MOB1B: variants seen among roughly 807,000 people sequenced by gnomAD.
The protein encoded by MOB1B is MOB kinase activator 1B.
A neutral mutation model predicts 24.4 loss-of-function variants in MOB1B; 19 were observed. That is an observed-to-expected ratio of 0.78 (90% CI 0.54 to 1.14). The LOEUF is 1.14. Among genes scored for constraint, MOB1B ranks in the 50% most tolerant of loss-of-function variants. The probability of loss-of-function intolerance (pLI) is 0.00; values close to 1 mark genes in which losing one functional copy is unlikely to be tolerated. For synonymous variants in MOB1B, 76 were observed against 82.1 expected, an observed-to-expected ratio of 0.93 and a Z score of 0.40; for missense variants, 243 against 259.6, an observed-to-expected ratio of 0.94 and a Z score of 0.44.
rs1199414344 is a variant in MOB1B at position 70,903,334 on chromosome 4, G to C, written c.14+784G>C. ...TTGTAAATGCCAACTTTGGCGTCAT[G>C]TTTAGTGCTGGTCATTATTTCACTT... On this transcript the variant is annotated intron_variant, in intron 1 of 5. Transcript: ENST00000309395. Among the ~76,000 whole-genome samples, 138 of 152,332 alleles carry C rather than the reference G, an allele frequency of 9.1e-4. 4 individuals carry two copies. Among genetic ancestry groups the C allele is most frequent in the Non-Finnish European group, 1.9e-4 (13 of 68,034 alleles).
Position 70,983,474 on chromosome 4 carries a change from A to T in MOB1B, c.*1417A>T, listed in dbSNP as rs1739281927. The T allele has an allele frequency of 6.6e-6, 1 of 152,222 alleles. No individual in the cohort carries two copies. Among genetic ancestry groups the T allele is most frequent in the South Asian group, 2.1e-4 (1 of 4,830 alleles). 9.4% of individuals were successfully genotyped at this position (152,222 alleles called of 1,614,324 possible). ...AACTTAGTTTTTAGAATAAATATTA[A>T]TTTTTCCACTTCAGTTTTATTCTAG... On this transcript the variant is annotated 3_prime_UTR_variant, in exon 6 of 6. Transcript: ENST00000309395.
At chr4:70,906,082 A>T (rs1275185014) in intron 1 of MOB1B, among the ~76,000 whole-genome samples, 1 of 150,458 alleles carries the variant, frequency 6.6e-6, no homozygotes, top group Non-Finnish European at 1.5e-5. Context: ...CTGTCTTAAA[A>T]AAAAAAGGCC....
intron 1 of MOB1B, among the ~76,000 whole-genome samples, chr4:70,929,943 C>T (rs1167046115): frequency 1.3e-5 from 2 of 152,108 alleles, no homozygotes; most frequent in Admixed American, 6.6e-5. Context: ...TTTGTAGAGA[C>T]AGCGTCTCCC....
chr4:70,933,542 C>CT (rs34950388), intron 1 of MOB1B, among the ~76,000 whole-genome samples: 5,009 of 91,632 alleles, frequency 0.055, 1,307 homozygotes, highest in Non-Finnish European at 0.085. Flanking sequence ...AAAAATAACT[C>CT]TTTTTTTTTT....
intron 1 of MOB1B, among the ~76,000 whole-genome samples, chr4:70,908,126 C>T (rs1363156237): frequency 3.3e-5 from 5 of 151,156 alleles, no homozygotes; most frequent in Admixed American, 6.6e-5. Flanking sequence ...CCCGGGTTCA[C>T]GCCATTCTCC....
chr4:70,916,399 A>C (rs766243975), intron 1 of MOB1B, among the ~76,000 whole-genome samples: 11 of 152,228 alleles, frequency 7.2e-5, no homozygotes, highest in Non-Finnish European at 1.5e-4. Context: ...CTTTGAGAGA[A>C]TACAGTGCAC....
chr4:70,936,635 TC>T (rs1269938267), intron 1 of MOB1B, among the ~76,000 whole-genome samples: 1 of 152,148 alleles, frequency 6.6e-6, no homozygotes, highest in Non-Finnish European at 1.5e-5. Context: ...TCCATGGGAT[TC>T]CCCTTACATA....
intron 1 of MOB1B, among the ~76,000 whole-genome samples, chr4:70,947,977 A>G (rs1248399285): frequency 2.0e-5 from 3 of 152,150 alleles, no homozygotes; most frequent in African/African-American, 4.8e-5. Flanking sequence ...ATGCTTTTTT[A>G]TATCTAGAAA....
rs777118509 is a variant in MOB1B at position 70,969,992 on chromosome 4, A to G, written c.243A>G (p.Glu81=). ...GAACTATCACAGACTTCTGTACAGA[A>G]GAGAGTTGTCCAGTGATGTCAGCTG... ...LYGTITDFCT[E]ESCPVMSAGP... is the part of the protein sequence containing the mutation. The change falls in exon 3 of 6, where the codon GAA becomes GAG. Residue 81 remains glutamate, a synonymous_variant. Coordinates refer to ENST00000309395, the MANE Select transcript of MOB1B (RefSeq NM_173468.4). 8 of 1,603,440 alleles carry G rather than the reference A, an allele frequency of 5.0e-6. No homozygotes were observed. In the Admixed American group the frequency reaches 1.4e-4, roughly 27 times the overall value.
At chr4:70,974,660 T>G (rs1738902207) in intron 3 of MOB1B, among the ~76,000 whole-genome samples, 1 of 152,238 alleles carries the variant, frequency 6.6e-6, no homozygotes. Context: ...TTCAGTTAAA[T>G]GTACTCAAAT....
At chr4:70,912,018 T>G (rs1736005293) in intron 1 of MOB1B, among the ~76,000 whole-genome samples, 1 of 150,498 alleles carries the variant, frequency 6.6e-6, no homozygotes, top group African/African-American at 2.4e-5. Flanking sequence ...AGCCTCAACC[T>G]CCCGAGTAGC....
intron 1 of MOB1B, among the ~76,000 whole-genome samples, chr4:70,933,830 G>A (rs1038418601): frequency 1.3e-5 from 2 of 151,938 alleles, no homozygotes; most frequent in Admixed American, 1.3e-4. Context: ...GATTACAGGT[G>A]TGAGCCACTG....
chr4:70,954,062 C>T (rs575145123), intron 1 of MOB1B, among the ~76,000 whole-genome samples: 8 of 152,060 alleles, frequency 5.3e-5, no homozygotes, highest in Non-Finnish European at 1.2e-4. Context: ...TAGCACCCCC[C>T]CAAAAAAAGA....
At chr4:70,968,443 C>T (rs1560661890) in intron 2 of MOB1B, among the ~76,000 whole-genome samples, 1 of 152,154 alleles carries the variant, frequency 6.6e-6, no homozygotes, top group Non-Finnish European at 1.5e-5. Flanking sequence ...TCCTGAGTAG[C>T]TGGGATTACA....
At chr4:70,903,580 C>T (rs895964921) in intron 1 of MOB1B, among the ~76,000 whole-genome samples, 1 of 152,194 alleles carries the variant, frequency 6.6e-6, no homozygotes, top group Non-Finnish European at 1.5e-5. Context: ...GAAGTTGAAA[C>T]TCACCCATAT....
intron 2 of MOB1B, among the ~76,000 whole-genome samples, chr4:70,962,391 C>CATA (rs1349235556): frequency 1.3e-5 from 2 of 152,028 alleles, no homozygotes; most frequent in Non-Finnish European, 2.9e-5. Context: ...ACCAGTGGTC[C>CATA]ATATAAATAG....
At chr4:70,972,796 C>T (rs1005936261) in intron 3 of MOB1B, among the ~76,000 whole-genome samples, 15 of 151,982 alleles carry the variant, frequency 9.9e-5, no homozygotes, top group Middle Eastern at 3.4e-3. Flanking sequence ...ATTTTTGAGA[C>T]GGAGTCTCGC....
At position 70,946,296 on chromosome 4, in the gene MOB1B, C is replaced by T. The variant is rs538916749; in HGVS notation, c.15-12578C>T. ...TTTAATATTGGTAACAATGGCTCCT[C>T]GCAATAAGAATAAGATTTTTCTTCA... On this transcript the variant is annotated intron_variant, in intron 1 of 5. Coordinates refer to ENST00000309395, the MANE Select transcript of MOB1B (RefSeq NM_173468.4). 9.2e-5 allele frequency among the ~76,000 whole-genome samples: 14 copies of T among 152,022 alleles called. No homozygotes were observed. The South Asian group carries it at 2.9e-3, about 32-fold the overall frequency.
intron 1 of MOB1B, among the ~76,000 whole-genome samples, chr4:70,921,491 C>CCTCCCCTCCA: frequency 1.7e-5 from 2 of 115,904 alleles, no homozygotes; most frequent in Non-Finnish European, 3.7e-5. Context: ...TCTCCCCTCC[C>CCTCCCCTCCA]CTCCCCTCCC....
Sources: allele counts gnomAD v4.1 joint callset (sites outside exome capture counted in the v4.1 genomes callset), GRCh38; gene constraint gnomAD v4.1.1; transcripts MANE v1.5; gene names NCBI Gene and HGNC (gene_info 2026-07-23, HGNC 2026-07-21).